The following KIAA1755 variants were observed in gnomAD, a reference collection of about 807,000 sequenced individuals.
KIAA1755 encodes KIAA1755.
A neutral mutation model predicts 91.7 loss-of-function variants in KIAA1755; 68 were observed. The observed-to-expected ratio is 0.74, with a 90% CI of 0.61 to 0.91. The LOEUF is 0.91. Ranked by LOEUF, KIAA1755 falls within the 40% of genes least tolerant of loss-of-function variation. The pLI is 0.00. For synonymous variants in KIAA1755, 610 were observed against 604.6 expected, an observed-to-expected ratio of 1.01 and a Z score of -0.13; for missense variants, 1,535 against 1,494.4, an observed-to-expected ratio of 1.03 and a Z score of -0.45.
intron 4 of KIAA1755, among the ~76,000 whole-genome samples, chr20:38,231,559 A>C (rs1265959694): frequency 1.3e-5 from 2 of 152,174 alleles, no homozygotes; most frequent in East Asian, 3.8e-4. Context: ...CCCTCTGTAT[A>C]AGATACGTGG....
At chr20:38,247,033 G>A (rs905996527) in intron 1 of KIAA1755, among the ~76,000 whole-genome samples, 1 of 152,158 alleles carries the variant, frequency 6.6e-6, no homozygotes, top group African/African-American at 2.4e-5. Context: ...AAGGCAGTCA[G>A]CCCGTCCCCC....
chr20:38,226,635 G>A (rs1162246189), intron 7 of KIAA1755, among the ~76,000 whole-genome samples: 1 of 152,162 alleles, frequency 6.6e-6, no homozygotes, highest in Non-Finnish European at 1.5e-5. Flanking sequence ...TCATTACTGT[G>A]GTGTATGGCA....
chr20:38,231,410 C>T (rs1278782595), intron 4 of KIAA1755, 85 bp from the exon 5 acceptor site: 2 of 1,403,850 alleles, frequency 1.4e-6, no homozygotes, highest in African/African-American at 1.4e-5. Context: ...GACCTTTGGC[C>T]GTAACGGTTC....
At chr20:38,246,168 T>A in intron 1 of KIAA1755, 42 bp from the exon 2 acceptor site, 1 of 1,544,490 alleles carries the variant, frequency 6.5e-7, no homozygotes, top group South Asian at 1.1e-5. Flanking sequence ...GCAATGATAA[T>A]AAGGGCAGAG....
At chr20:38,225,286 A>T (rs1239179238) in intron 8 of KIAA1755, among the ~76,000 whole-genome samples, 2 of 152,156 alleles carry the variant, frequency 1.3e-5, no homozygotes, top group Non-Finnish European at 2.9e-5. Flanking sequence ...ACAGGTGTGA[A>T]TCACAGCGCC....
rs1305131808 is a variant in KIAA1755, at chr20:38,228,046, T to C, written c.1965+101A>G. On this transcript the variant is annotated intron_variant, in intron 6 of 13. Coordinates refer to ENST00000279024, the MANE Select transcript of KIAA1755 (RefSeq NM_001029864.2). The stretch of plus-strand genomic sequence containing the variant: ...TGCAGTAAAAGTCCCTGCCTGAGAG[T>C]CCTGGTCCCAGCCTTAAGCACCCCC... The C allele has an allele frequency of 4.0e-6, 3 of 741,204 alleles. No individual in the cohort carries two copies. In the East Asian group the frequency reaches 9.1e-5, roughly 23 times the overall value. 45.9% of individuals were successfully genotyped at this position (741,204 alleles called of 1,614,324 possible).
At chr20:38,234,709 A>G (rs1275582068) in intron 4 of KIAA1755, among the ~76,000 whole-genome samples, 1 of 152,232 alleles carries the variant, frequency 6.6e-6, no homozygotes, top group East Asian at 1.9e-4. Context: ...ACTGGGACAC[A>G]GTAGTCATAC....
rs751799956 is a variant in KIAA1755, at chr20:38,213,367, G to A, written c.3278C>T (p.Pro1093Leu). 1.9e-6 allele frequency: 3 copies of A among 1,606,660 alleles called. No homozygotes were observed. Among genetic ancestry groups the A allele is most frequent in the South Asian group, 2.2e-5 (2 of 89,826 alleles). Residue 1093 changes from proline (P) to leucine (L), a missense_variant, in exon 14 of 14, where the codon CCT becomes CTT. By Grantham distance (98) the Pro-to-Leu change is moderately conservative. Transcript: ENST00000279024. Reference sequence around the variant, plus strand: ...GTCCATGCCCAGTGAGTCTAGTGGAGGCTGATCCCACCTCCCCTTGGAAGT... The same window carrying A: ...GTCCATGCCCAGTGAGTCTAGTGGAAGCTGATCCCACCTCCCCTTGGAAGT... ...EVTSKGRWDQPPLDSLGMDHL... is the reference protein window; with the variant it reads ...EVTSKGRWDQLPLDSLGMDHL...
At chr20:38,224,793 G>A (rs8117059) in intron 8 of KIAA1755, among the ~76,000 whole-genome samples, 1,838 of 152,198 alleles carry the variant, frequency 0.012, 30 homozygotes, top group African/African-American at 0.041. Flanking sequence ...AGGCACCCTC[G>A]CCCTATGTGT....
chr20:38,257,221 G>T (rs114092791), intron 1 of KIAA1755, among the ~76,000 whole-genome samples: 1 of 152,194 alleles, frequency 6.6e-6, no homozygotes, highest in Non-Finnish European at 1.5e-5. Flanking sequence ...TAGAGGGCCT[G>T]GCACACAGTA....
chr20:38,239,484 C>T, intron 4 of KIAA1755, 44 bp downstream of exon 4: 1 of 1,593,314 alleles, frequency 6.3e-7, no homozygotes, highest in Non-Finnish European at 8.6e-7. Context: ...GCTCTGGGGC[C>T]CCCAGCTCCC....
At chr20:38,253,930 C>T (rs1317346440) in intron 1 of KIAA1755, among the ~76,000 whole-genome samples, 1 of 152,198 alleles carries the variant, frequency 6.6e-6, no homozygotes, top group Non-Finnish European at 1.5e-5. Flanking sequence ...GTTGCCCAGG[C>T]TGGAGTGCAA....
rs772178475 is a variant in KIAA1755, at chr20:38,231,259, G to C, written c.1814C>G (p.Pro605Arg). ...GGTGACCTCTGAAACTGTGCACCATGGTGCCTCCCAGGCCCCCTCTGTAGT... is the reference window on the plus strand; with the variant it reads ...GGTGACCTCTGAAACTGTGCACCATCGTGCCTCCCAGGCCCCCTCTGTAGT... ...VSTTEGAWEA[P>R]WCTVSEVTKL... is the part of the protein sequence containing the mutation. Residue 605 changes from proline to arginine, a missense_variant, in exon 5 of 14, where the codon CCA becomes CGA. Physicochemically the swap from Pro to Arg is moderately radical, Grantham distance 103 (BLOSUM62 -2). Coordinates refer to ENST00000279024, the MANE Select transcript of KIAA1755 (RefSeq NM_001029864.2). The C allele has an allele frequency of 6.2e-6, 10 of 1,613,060 alleles. No homozygotes were observed. The highest frequency in any genetic ancestry group is 3.3e-5 in the Admixed American group (2 of 59,912).
At chr20:38,250,240 A>G (rs569084615) in intron 1 of KIAA1755, among the ~76,000 whole-genome samples, 1 of 152,294 alleles carries the variant, frequency 6.6e-6, no homozygotes, top group African/African-American at 2.4e-5. Flanking sequence ...CCCGGGTTCA[A>G]ACTCTGGTTC....
At chr20:38,215,817 T>G (rs1241865070) in intron 13 of KIAA1755, among the ~76,000 whole-genome samples, 1 of 152,208 alleles carries the variant, frequency 6.6e-6, no homozygotes, top group Non-Finnish European at 1.5e-5. Context: ...CTTCCTCCTC[T>G]TAATGATAAT....
intron 1 of KIAA1755, among the ~76,000 whole-genome samples, chr20:38,259,515 G>C (rs983545626): frequency 7.4e-6 from 1 of 135,730 alleles, no homozygotes; most frequent in Non-Finnish European, 1.6e-5. Context: ...GCCTGCGTGT[G>C]TGTGTGTGTG....
At position 38,219,651 on chromosome 20, in the gene KIAA1755, G is replaced by A; in HGVS notation, c.2535C>T (p.Arg845=). ...GKLELRVRLG[R]LEAAIHQVSD... ...TCACCTGGTGAATGGCAGCTTCCAGGCGGCCCAGGCGGACACGGAGCTCCA... is the reference window on the plus strand; with the variant it reads ...TCACCTGGTGAATGGCAGCTTCCAGACGGCCCAGGCGGACACGGAGCTCCA... The change falls in exon 11 of 14, where the codon CGC becomes CGT. Residue 845 remains arginine (R), a synonymous_variant. Coordinates refer to ENST00000279024, the MANE Select transcript of KIAA1755 (RefSeq NM_001029864.2). The A allele has an allele frequency of 1.2e-6, 2 of 1,614,118 alleles. No homozygotes were observed. The highest frequency in any genetic ancestry group is 1.7e-6 in the Non-Finnish European group (2 of 1,180,046).
intron 5 of KIAA1755, 104 bp from the exon 6 acceptor site, chr20:38,228,344 C>G: frequency 1.3e-6 from 1 of 794,830 alleles, no homozygotes; most frequent in Non-Finnish European, 1.9e-6. Flanking sequence ...CCTTGATTTA[C>G]TGGTGAACTC....
chr20:38,212,995 C>T lies in KIAA1755; in HGVS notation c.*47G>A, dbSNP rs2075474054. 2 of 1,457,274 alleles carry T rather than the reference C, an allele frequency of 1.4e-6. No homozygotes were observed. Among genetic ancestry groups the T allele is most frequent in the African/African-American group, 2.8e-5 (2 of 70,588 alleles). 90.3% of individuals were successfully genotyped at this position (1,457,274 alleles called of 1,614,324 possible). Reference sequence around the variant, plus strand: ...TCCCAGCTACCCCTCCAGCTGGGCCCTGGCCCAGTGCTCCTGGAGGCTGGT... The same window carrying T: ...TCCCAGCTACCCCTCCAGCTGGGCCTTGGCCCAGTGCTCCTGGAGGCTGGT... On this transcript the variant is annotated 3_prime_UTR_variant, in exon 14 of 14. Coordinates refer to ENST00000279024, the MANE Select transcript of KIAA1755 (RefSeq NM_001029864.2).
Sources: allele counts gnomAD v4.1 joint callset (sites outside exome capture counted in the v4.1 genomes callset), GRCh38; gene constraint gnomAD v4.1.1; transcripts MANE v1.5; gene names NCBI Gene and HGNC (gene_info 2026-07-23, HGNC 2026-07-21).